Variants in NVL observed in about 807,000 individuals in gnomAD.
NVL encodes the protein nuclear valosin-containing protein-like.
Under a neutral mutation model 110.2 loss-of-function variants are expected in NVL, and 84 were observed. The observed-to-expected ratio is 0.76, with a 90% CI of 0.64 to 0.91. The LOEUF is 0.91. NVL is among the 40% of genes least tolerant of loss of function. NVL has a pLI of 0.00. For missense variants in NVL, 882 were observed against 1,035.9 expected (o/e 0.85, Z 2.04); for synonymous variants, 354 against 361.1 (o/e 0.98, Z 0.22).
chr1:224,314,784 C>T (rs1669900405), intron 4 of NVL, among the ~76,000 whole-genome samples: 1 of 151,892 alleles, frequency 6.6e-6, no homozygotes, highest in African/African-American at 2.4e-5. Context: ...AAATTCAGAC[C>T]AATATGACAT....
chr1:224,264,388 C>T (rs530259491), intron 18 of NVL, among the ~76,000 whole-genome samples: 26 of 151,686 alleles, frequency 1.7e-4, no homozygotes, highest in African/African-American at 6.0e-4. Flanking sequence ...GCCGGGATTG[C>T]AGGCGCCCAC....
intron 16 of NVL, among the ~76,000 whole-genome samples, chr1:224,280,169 G>GTTT (rs1225902326): frequency 3.8e-5 from 5 of 130,976 alleles, no homozygotes; most frequent in African/African-American, 1.5e-4. Context: ...GTGTACTGCT[G>GTTT]TTTTTTTTTG....
chr1:224,251,587 C>T (rs933300384), intron 18 of NVL, among the ~76,000 whole-genome samples: 17 of 152,108 alleles, frequency 1.1e-4, no homozygotes, highest in Admixed American at 2.6e-4. Context: ...CTGCAATGAG[C>T]GGAGATCGTG....
At position 224,313,179 on chromosome 1, in the gene NVL, A is replaced by AAAAAG. The variant is rs1553335858; in HGVS notation, c.285-1323_285-1322insCTTTT. The AAAAAG allele has an allele frequency of 5.6e-4, 95 of 170,116 alleles. 7 individuals carry two copies. The highest frequency in any genetic ancestry group is 1.3e-3 in the East Asian group (8 of 6,136). The allele number at this position is 170,116 out of a possible 1,614,324, so 10.5% of individuals were successfully genotyped here. On this transcript the variant is annotated intron_variant, in intron 4 of 22. Transcript: ENST00000281701. The stretch of plus-strand genomic sequence containing the variant: ...GTCTCAAAAAAAAAAAAAAAAAAAA[A>AAAAAG]ACAAGCAAATTCTGTATTCATTAAA...
At chr1:224,300,519 T>G in intron 10 of NVL, 43 bp downstream of exon 10, 1 of 1,385,692 alleles carries the variant, frequency 7.2e-7, no homozygotes, top group Non-Finnish European at 1.0e-6. Flanking sequence ...TAATATAAGC[T>G]GGTAGCGTCT....
intron 20 of NVL, 60 bp from the exon 21 acceptor site, chr1:224,233,349 C>G: frequency 7.5e-7 from 1 of 1,336,942 alleles, no homozygotes. Flanking sequence ...CAGAAAAAAA[C>G]CCGGAAAACA....
chr1:224,266,347 G>C (rs545873135), intron 18 of NVL, among the ~76,000 whole-genome samples: 2 of 152,294 alleles, frequency 1.3e-5, no homozygotes, highest in South Asian at 4.1e-4. Flanking sequence ...AGGCAGTTGA[G>C]ATAAATGTCC....
intron 18 of NVL, among the ~76,000 whole-genome samples, chr1:224,260,053 AAAAGGGCAGTACTGTGCC>A (rs1304823101): frequency 6.6e-6 from 1 of 152,172 alleles, no homozygotes; most frequent in Non-Finnish European, 1.5e-5. Context: ...ACCTAATTTT[AAAAGGGCAGTACTGTGCC>A]AAAGGGCAAA....
intron 19 of NVL, among the ~76,000 whole-genome samples, chr1:224,238,234 T>C (rs758396021): frequency 1.3e-5 from 2 of 152,058 alleles, no homozygotes; most frequent in Non-Finnish European, 2.9e-5. Context: ...GGTTTCACGA[T>C]GTTGCCCAGG....
intron 6 of NVL, among the ~76,000 whole-genome samples, chr1:224,305,952 T>G (rs72755974): frequency 5.4e-4 from 82 of 152,380 alleles, no homozygotes; most frequent in Non-Finnish European, 9.6e-4. Context: ...ATCTCTGTCT[T>G]TCTCACTGAA....
At chr1:224,272,762 C>T (rs1443570249) in intron 17 of NVL, among the ~76,000 whole-genome samples, 7 of 149,752 alleles carry the variant, frequency 4.7e-5, no homozygotes, top group Admixed American at 3.3e-4. Flanking sequence ...AGGCCGTGCG[C>T]GGTGGCTCAT....
intron 13 of NVL, 166 bp downstream of exon 13, chr1:224,289,318 T>C (rs1223594887): frequency 5.2e-6 from 3 of 578,682 alleles, no homozygotes; most frequent in African/African-American, 1.9e-5. Flanking sequence ...AAACAACTCA[T>C]ATTTTTGAAA....
In NVL at chr1:224,304,889, T is replaced by C; in HGVS notation, c.749-77A>G. ...ATAATTATAATGAATAGTCTTTAAG[T>C]AAACAAAGGTCCATTAAATATAGAA... On this transcript the variant is annotated intron_variant, in intron 7 of 22. Coordinates refer to ENST00000281701, the MANE Select transcript of NVL (RefSeq NM_002533.4). 3 of 1,487,898 alleles carry C rather than the reference T, an allele frequency of 2.0e-6. No individual in the cohort carries two copies. In the South Asian group the frequency reaches 3.5e-5, roughly 17 times the overall value. The allele number at this position is 1,487,898 out of a possible 1,614,324, so 92.2% of individuals were successfully genotyped here.
rs536854817 is a variant in NVL, at chr1:224,251,768, C to T, written c.2183-1450G>A. Among the ~76,000 whole-genome samples, 5 of 152,300 alleles carry T rather than the reference C, an allele frequency of 3.3e-5. No homozygotes were observed. The South Asian group carries it at 1.0e-3, about 32-fold the overall frequency. On this transcript the variant is annotated intron_variant, in intron 18 of 22. Coordinates refer to ENST00000281701, the MANE Select transcript of NVL (RefSeq NM_002533.4). Reference sequence around the variant, plus strand: ...TAATGATCACCACACCACTCCACCCCACCCTACCTCCCAAATACCAGGCAG... The same window carrying T: ...TAATGATCACCACACCACTCCACCCTACCCTACCTCCCAAATACCAGGCAG...
intron 17 of NVL, among the ~76,000 whole-genome samples, chr1:224,269,013 C>T (rs1017328298): frequency 2.7e-5 from 4 of 150,746 alleles, no homozygotes; most frequent in African/African-American, 7.3e-5. Flanking sequence ...TTCTAGATCT[C>T]ATTTTATTTT....
intron 18 of NVL, among the ~76,000 whole-genome samples, chr1:224,259,297 G>T (rs770219838): frequency 1.4e-4 from 22 of 152,032 alleles, no homozygotes; most frequent in Admixed American, 3.3e-4. Flanking sequence ...CACTGTGTTG[G>T]CCAGGCTGGT....
intron 18 of NVL, among the ~76,000 whole-genome samples, chr1:224,264,732 G>A (rs1474569045): frequency 1.5e-5 from 1 of 66,226 alleles, no homozygotes; most frequent in African/African-American, 3.6e-5. Context: ...AGAAGATCTA[G>A]AACGTTTATT....
At chr1:224,316,142 C>G (rs1442481988) in intron 4 of NVL, among the ~76,000 whole-genome samples, 1 of 152,010 alleles carries the variant, frequency 6.6e-6, no homozygotes, top group Non-Finnish European at 1.5e-5. Context: ...CCACTACATT[C>G]CAGCCTGAGC....
At chr1:224,238,021 A>G (rs1469707183) in intron 19 of NVL, among the ~76,000 whole-genome samples, 1 of 150,704 alleles carries the variant, frequency 6.6e-6, no homozygotes, top group African/African-American at 2.4e-5. Flanking sequence ...AACACAAGCC[A>G]TTAAGCTTTT....
Sources: allele counts gnomAD v4.1 joint callset (sites outside exome capture counted in the v4.1 genomes callset), GRCh38; gene constraint gnomAD v4.1.1; transcripts MANE v1.5; gene names NCBI Gene and HGNC (gene_info 2026-07-23, HGNC 2026-07-21).